The following APEX2 variants were observed in gnomAD, a reference collection of about 807,000 sequenced individuals.
APEX2 encodes DNA-(apurinic or apyrimidinic site) endonuclease 2.
APEX2 carries 4 observed loss-of-function variants against 16.7 expected under a neutral mutation model. The observed-to-expected ratio is 0.24, with a 90% CI of 0.12 to 0.55. APEX2 has a LOEUF of 0.55. APEX2 is among the 20% of genes least tolerant of loss of function. The pLI, the probability that APEX2 is intolerant of heterozygous loss-of-function variation, is 0.94. For synonymous variants in APEX2, 181 were observed against 166.9 expected (o/e 1.08, Z -0.65); for missense variants, 357 against 433.6 (o/e 0.82, Z 1.57).
Position 55,006,577 on chromosome X carries a change from G to A in APEX2, c.699G>A (p.Gly233=). ...KWMDSLLSNL[G]CQSASHVGPF... ...TGGACAGCTTGCTCAGTAACTTGGG[G>A]TGCCAGTCTGCCTCTCATGTAGGGC... Residue 233 remains glycine (G), a synonymous_variant, in exon 6 of 6, where the codon GGG becomes GGA. Coordinates refer to ENST00000374987, the MANE Select transcript of APEX2 (RefSeq NM_014481.4). 3 of 1,136,958 alleles carry A rather than the reference G, an allele frequency of 2.6e-6. No homozygotes were observed. Among genetic ancestry groups the A allele is most frequent in the Non-Finnish European group, 3.5e-6 (3 of 859,220 alleles). 93.7% of individuals were successfully genotyped at this position (1,136,958 alleles called of 1,213,427 possible).
intron 2 of APEX2, 46 bp downstream of exon 2, chrX:55,001,675 T>C (rs764421135): frequency 2.8e-6 from 3 of 1,060,267 alleles, no homozygotes; most frequent in Non-Finnish European, 3.9e-6. Flanking sequence ...GGGAGGCAGA[T>C]AGGGGAAAAG....
rs1297580080 is a variant in APEX2 at position 55,007,173 on chromosome X, T to C, written c.1295T>C (p.Val432Ala). Residue 432 changes from valine to alanine, a missense_variant, in exon 6 of 6, where the codon GTG (valine) becomes GCG (alanine). By Grantham distance (64) the Val-to-Ala change is moderately conservative. Coordinates refer to ENST00000374987, the MANE Select transcript of APEX2 (RefSeq NM_014481.4). The part of the protein sequence containing the change: ...MTPKTPEEKA[V>A]AKVVKGQAKT... ...CCGAAGACTCCAGAAGAGAAGGCAGTGGCCAAAGTGGTGAAGGGGCAGGCC... is the reference window on the plus strand; with the variant it reads ...CCGAAGACTCCAGAAGAGAAGGCAGCGGCCAAAGTGGTGAAGGGGCAGGCC... 3.3e-6 allele frequency: 4 copies of C among 1,211,929 alleles called. No homozygotes were observed. The highest frequency in any genetic ancestry group is 4.6e-4 in the Middle Eastern group (2 of 4,354).
chrX:55,007,054 C>T lies in APEX2; in HGVS notation c.1176C>T (p.Asn392=). 1 of 1,211,485 alleles carries T rather than the reference C, an allele frequency of 8.3e-7. No individual in the cohort carries two copies. Among genetic ancestry groups the T allele is most frequent in the Non-Finnish European group, 1.1e-6 (1 of 895,380 alleles). Residue 392 remains asparagine, a synonymous_variant, in exon 6 of 6, where the codon AAC becomes AAT. Transcript: ENST00000374987. ...SQVGSSRGQK[N]LKSYFQPSPS... is the part of the protein sequence containing the mutation. Reference sequence around the variant, plus strand: ...TTGGCTCTAGCAGAGGCCAGAAAAACCTGAAGAGCTACTTTCAGCCCTCCC... The same window carrying T: ...TTGGCTCTAGCAGAGGCCAGAAAAATCTGAAGAGCTACTTTCAGCCCTCCC...
chrX:55,005,751 C>T (rs898683395), intron 5 of APEX2, among the ~76,000 whole-genome samples: 2 of 110,288 alleles, frequency 1.8e-5, no homozygotes, highest in Non-Finnish European at 3.8e-5. Context: ...CAGCACACTC[C>T]CTCCACAGGC....
At position 55,000,467 on chromosome X, in the gene APEX2, C is replaced by T. The variant is rs374430929; in HGVS notation, c.45C>T (p.Pro15=). ...GGAACATCAATGGGATTCGGAGACC[C>T]CTGCAAGGGGTGGCAAATCAGGAAC... The part of the protein sequence containing the change: ...VSWNINGIRR[P]LQGVANQEPS... Residue 15 remains proline (P), a synonymous_variant, in exon 1 of 6, where the codon CCC becomes CCT. Transcript: ENST00000374987. 2.8e-4 allele frequency: 331 copies of T among 1,202,099 alleles called. No homozygotes were observed. In the Middle Eastern group the frequency reaches 7.4e-3, roughly 27 times the overall value.
rs1372044913 is a variant in APEX2 at position 55,008,706 on chromosome X, G to T, written c.*1271G>T. The T allele has an allele frequency of 8.4e-6, 1 of 119,074 alleles. No homozygotes were observed. The highest frequency in any genetic ancestry group is 3.2e-5 in the African/African-American group (1 of 30,973). The allele number at this position is 119,074 out of a possible 1,213,427, so 9.8% of individuals were successfully genotyped here. On this transcript the variant is annotated 3_prime_UTR_variant, in exon 6 of 6. Transcript: ENST00000374987. ...TGGAAAATACCTCTTTGGTTTTGGG[G>T]AACCACTCCTTTCTAGGGAATTTGG...
At chrX:55,003,198 T>A in intron 4 of APEX2, 90 bp downstream of exon 4, 1 of 1,060,957 alleles carries the variant, frequency 9.4e-7, no homozygotes, top group Admixed American at 3.0e-5. Flanking sequence ...TATGGACCCT[T>A]TGTCTCTGAG....
intron 1 of APEX2, among the ~76,000 whole-genome samples, 179 bp from the exon 2 acceptor site, chrX:55,001,367 C>T (rs1461393937): frequency 9.0e-6 from 1 of 111,604 alleles, no homozygotes; most frequent in Non-Finnish European, 1.9e-5. Context: ...ATATCAATTT[C>T]CTCTCTGACA....
Position 55,007,213 on chromosome X carries a change from C to T in APEX2, c.1335C>T (p.Ala445=). The change falls in exon 6 of 6, where the codon GCC becomes GCT. Residue 445 remains alanine (A), a synonymous_variant. Coordinates refer to ENST00000374987, the MANE Select transcript of APEX2 (RefSeq NM_014481.4). ...AGGGGCAGGCCAAGACTTCAGAAGC[C>T]AAAGATGAGAAGGAGTTACGGACCT... ...VVKGQAKTSE[A]KDEKELRTSF... The T allele has an allele frequency of 8.3e-7, 1 of 1,212,055 alleles. No individual in the cohort carries two copies. Among genetic ancestry groups the T allele is most frequent in the Non-Finnish European group, 1.1e-6 (1 of 895,587 alleles).
chrX:55,000,476 G>C lies in APEX2; in HGVS notation c.54G>C (p.Gly18=). ...NINGIRRPLQ[G]VANQEPSNCA... is the part of the protein sequence containing the mutation. ...ATGGGATTCGGAGACCCCTGCAAGG[G>C]GTGGCAAATCAGGAACCCAGCAACT... is the stretch of plus-strand genomic sequence containing the variant. The change falls in exon 1 of 6, where the codon GGG becomes GGC. Residue 18 remains glycine, a synonymous_variant. Coordinates refer to ENST00000374987, the MANE Select transcript of APEX2 (RefSeq NM_014481.4). 3 of 1,206,181 alleles carry C rather than the reference G, an allele frequency of 2.5e-6. No homozygotes were observed. In the African/African-American group the frequency reaches 5.2e-5, roughly 21 times the overall value.
In APEX2 at chrX:55,008,460, A is replaced by G. The variant is rs1466549736; in HGVS notation, c.*1025A>G. ...GTGGCGCGTGCCTGTAATCCAAGCT[A>G]CTTAGGAGGCTGAGACAGGAGAATA... On this transcript the variant is annotated 3_prime_UTR_variant, in exon 6 of 6. Coordinates refer to ENST00000374987, the MANE Select transcript of APEX2 (RefSeq NM_014481.4). The G allele has an allele frequency of 9.0e-6, 1 of 110,978 alleles. No homozygotes were observed. Among genetic ancestry groups the G allele is most frequent in the Non-Finnish European group, 1.9e-5 (1 of 52,983 alleles). 9.1% of individuals were successfully genotyped at this position (110,978 alleles called of 1,213,427 possible). A position where few individuals can be genotyped will look rare whatever the true frequency, so the allele number is the denominator to read the frequency against.
rs773005433 is a variant in APEX2, at chrX:55,006,927, C to T, written c.1049C>T (p.Pro350Leu). 4 of 1,211,989 alleles carry T rather than the reference C, an allele frequency of 3.3e-6. No homozygotes were observed. The highest frequency in any genetic ancestry group is 4.5e-6 in the Non-Finnish European group (4 of 895,585). The change falls in exon 6 of 6, where the codon CCT (proline) becomes CTT (leucine). Residue 350 changes from proline to leucine, a missense_variant. Coordinates refer to ENST00000374987, the MANE Select transcript of APEX2 (RefSeq NM_014481.4). ...TTCCTAGTTCCTCTCGAACAAAGTC[C>T]TGTGTTGGAGCAGTCGACGCTGCAG... The part of the protein sequence containing the change: ...LRFLVPLEQS[P>L]VLEQSTLQHN...
Position 55,007,538 on chromosome X carries a change from T to G in APEX2, c.*103T>G. The G allele has an allele frequency of 6.7e-6, 6 of 891,797 alleles. No individual in the cohort carries two copies. Among genetic ancestry groups the G allele is most frequent in the African/African-American group, 2.0e-5 (1 of 49,380 alleles). 73.5% of individuals were successfully genotyped at this position (891,797 alleles called of 1,213,427 possible). A position where few individuals can be genotyped will look rare whatever the true frequency, so the allele number is the denominator to read the frequency against. On this transcript the variant is annotated 3_prime_UTR_variant, in exon 6 of 6. Coordinates refer to ENST00000374987, the MANE Select transcript of APEX2 (RefSeq NM_014481.4). Reference sequence around the variant, plus strand: ...CTCCTGCTTCTCCCTCAAAGTCTCCTACCCTTCTCTTCCTCTTTTAAGCCC... The same window carrying G: ...CTCCTGCTTCTCCCTCAAAGTCTCCGACCCTTCTCTTCCTCTTTTAAGCCC...
Position 55,007,520 on chromosome X carries a change from T to C in APEX2, c.*85T>C. On this transcript the variant is annotated 3_prime_UTR_variant, in exon 6 of 6. Coordinates refer to ENST00000374987, the MANE Select transcript of APEX2 (RefSeq NM_014481.4). ...TCCCCTTCCCTGAGCTGCCTCCTGC[T>C]TCTCCCTCAAAGTCTCCTACCCTTC... The C allele has an allele frequency of 2.0e-6, 2 of 1,004,840 alleles. No homozygotes were observed. Among genetic ancestry groups the C allele is most frequent in the Middle Eastern group, 6.1e-4 (2 of 3,267 alleles). The allele number at this position is 1,004,840 out of a possible 1,213,427, so 82.8% of individuals were successfully genotyped here.
At chrX:55,000,611 A>G in intron 1 of APEX2, 32 bp downstream of exon 1, 1 of 1,168,421 alleles carries the variant, frequency 8.6e-7, no homozygotes, top group Non-Finnish European at 1.1e-6. Context: ...ATCCCTACAT[A>G]CTTTTTCTTT....
rs780638793 is a variant in APEX2, at chrX:55,000,381, G to A, written c.-42G>A. ...TCTGAACAGGAAGCAGTTCGCTCGC[G>A]CCTAGGTTGGCGCGGGCTGGGAGGT... On this transcript the variant is annotated 5_prime_UTR_variant, in exon 1 of 6. Transcript: ENST00000374987. The A allele has an allele frequency of 1.8e-6, 2 of 1,116,164 alleles. No homozygotes were observed. Among genetic ancestry groups the A allele is most frequent in the Non-Finnish European group, 2.4e-6 (2 of 848,057 alleles). The allele number at this position is 1,116,164 out of a possible 1,213,427, so 92.0% of individuals were successfully genotyped here.
intron 4 of APEX2, 90 bp downstream of exon 4, chrX:55,003,198 TTGTCTC>T (rs1935466326): frequency 9.4e-7 from 1 of 1,060,958 alleles, no homozygotes; most frequent in African/African-American, 1.9e-5. Context: ...TATGGACCCT[TTGTCTC>T]TGAGTTCTTT....
At chrX:55,006,309 G>GA (rs1371406363) in intron 5 of APEX2, among the ~76,000 whole-genome samples, 1 of 111,388 alleles carries the variant, frequency 9.0e-6, no homozygotes, top group Non-Finnish European at 1.9e-5. Flanking sequence ...CGTGCAGAGG[G>GA]AAAAACAAGC....
At position 55,003,853 on chromosome X, in the gene APEX2, G is replaced by A; in HGVS notation, c.624G>A (p.Trp208Ter). ...LNTAHRPIDHWDAVNLECFEE... is the reference protein window; with the variant it reads ...LNTAHRPIDH Reference sequence around the variant, plus strand: ...CAGCCCACCGCCCCATTGACCACTGGGATGCAGTCAACCTGGTAAGGCTCC... The same window carrying A: ...CAGCCCACCGCCCCATTGACCACTGAGATGCAGTCAACCTGGTAAGGCTCC... Residue 208 changes from tryptophan to a stop codon, truncating the protein, a stop_gained, in exon 5 of 6, where the codon TGG becomes TGA. Coordinates refer to ENST00000374987, the MANE Select transcript of APEX2 (RefSeq NM_014481.4). LOFTEE classifies it low-confidence loss of function (END_TRUNC). 1 of 1,211,563 alleles carries A rather than the reference G, an allele frequency of 8.3e-7. No homozygotes were observed.
Sources: gnomAD v4.1 joint callset for allele counts (sites outside exome capture counted in the v4.1 genomes callset) on GRCh38, gnomAD v4.1.1 for gene constraint, MANE v1.5 for transcripts, NCBI Gene and HGNC (gene_info 2026-07-23, HGNC 2026-07-21) for gene names.